Variants in RASD1 observed in about 807,000 individuals in gnomAD.
The protein encoded by RASD1 is dexamethasone-induced Ras-related protein 1.
Under a neutral mutation model 16.7 loss-of-function variants are expected in RASD1, and 13 were observed. The ratio of observed to expected loss-of-function variants is 0.78; its 90% CI spans 0.51 to 1.24. The LOEUF (loss-of-function observed/expected upper bound fraction) is 1.24. Ranked by LOEUF, RASD1 falls within the 50% of genes most tolerant of loss-of-function variation. RASD1 has a pLI of 0.00. For synonymous variants in RASD1, 170 were observed against 172.6 expected (o/e 0.98, Z 0.12); for missense variants, 397 against 407.5 (o/e 0.97, Z 0.22).
chr17:17,494,970 T>A lies in RASD1; in HGVS notation c.*155A>T. On this transcript the variant is annotated 3_prime_UTR_variant, in exon 2 of 2. Transcript: ENST00000225688. ...CCTTCCGGAGCAGATGACCGTCCCT[T>A]CTCGGTTCAGTGGCGCCTCCCCAGT... The A allele has an allele frequency of 1.1e-6, 1 of 928,490 alleles. No homozygotes were observed. Among genetic ancestry groups the A allele is most frequent in the East Asian group, 2.7e-5 (1 of 37,028 alleles). 57.5% of individuals were successfully genotyped at this position (928,490 alleles called of 1,614,324 possible).
intron 1 of RASD1, 37 bp downstream of exon 1, chr17:17,495,859 G>T: frequency 2.0e-6 from 2 of 991,448 alleles, no homozygotes; most frequent in South Asian, 1.3e-5. Flanking sequence ...AGGGTTCCCC[G>T]CCCTTCCCTC....
At chr17:17,495,794 AGC>A (rs1905413727) in intron 1 of RASD1, 100 bp downstream of exon 1, 2 of 1,400,530 alleles carry the variant, frequency 1.4e-6, no homozygotes, top group Non-Finnish European at 1.9e-6. Flanking sequence ...CTAAGCGCGA[AGC>A]GCACTACTCG....
chr17:17,495,672 A>T lies in RASD1; in HGVS notation c.299T>A (p.Ile100Asn). The T allele has an allele frequency of 6.2e-7, 1 of 1,609,578 alleles. No individual in the cohort carries two copies. The highest frequency in any genetic ancestry group is 8.5e-7 in the Non-Finnish European group (1 of 1,177,662). Residue 100 changes from isoleucine to asparagine, a missense_variant, in exon 2 of 2, where the codon ATC (isoleucine) becomes AAC (asparagine). Ile to Asn is a moderately radical substitution (Grantham distance 149). Transcript: ENST00000225688. ...RLSILTGDVF[I>N]LVFSLDNRDS... The stretch of plus-strand genomic sequence containing the variant: ...GCGGTTGTCCAGACTGAACACCAGG[A>T]TGAAAACGTCTCCTAGAGGGGGCAC...
chr17:17,494,651 G>GC lies in RASD1; in HGVS notation c.*473dup, dbSNP rs921624846. On this transcript the variant is annotated 3_prime_UTR_variant, in exon 2 of 2. Coordinates refer to ENST00000225688, the MANE Select transcript of RASD1 (RefSeq NM_016084.5). ...GTCACTTGGCTATGATTTGACCCAC[G>GC]CCCCCCCGCTTAGTTTTGGGAGGGC... 1.6e-4 allele frequency: 28 copies of GC among 180,590 alleles called. No individual in the cohort carries two copies. The highest frequency in any genetic ancestry group is 3.6e-4 in the East Asian group (2 of 5,516). The allele number at this position is 180,590 out of a possible 1,614,324, so 11.2% of individuals were successfully genotyped here.
chr17:17,495,941 C>T lies in RASD1; in HGVS notation c.241G>A (p.Gly81Ser), dbSNP rs370365641. ...CGCATGGCGGGGAACGGGTGGTTGCCGGACGTGTCGAGGATGTCGAGCTGG... is the reference window on the plus strand; with the variant it reads ...CGCATGGCGGGGAACGGGTGGTTGCTGGACGTGTCGAGGATGTCGAGCTGG... ...VYQLDILDTS[G>S]NHPFPAMRRL... The change falls in exon 1 of 2, where the codon GGC (glycine) becomes AGC (serine). Residue 81 changes from glycine to serine, a missense_variant. Coordinates refer to ENST00000225688, the MANE Select transcript of RASD1 (RefSeq NM_016084.5). The T allele has an allele frequency of 8.7e-6, 14 of 1,611,518 alleles. No homozygotes were observed. Among genetic ancestry groups the T allele is most frequent in the African/African-American group, 1.3e-5 (1 of 74,908 alleles).
chr17:17,494,979 A>T lies in RASD1; in HGVS notation c.*146T>A. 2.0e-6 allele frequency: 2 copies of T among 990,760 alleles called. No homozygotes were observed. Among genetic ancestry groups the T allele is most frequent in the Non-Finnish European group, 2.9e-6 (2 of 684,726 alleles). 61.4% of individuals were successfully genotyped at this position (990,760 alleles called of 1,614,324 possible). A position where few individuals can be genotyped will look rare whatever the true frequency, so the allele number is the denominator to read the frequency against. Reference sequence around the variant, plus strand: ...GCAGATGACCGTCCCTTCTCGGTTCAGTGGCGCCTCCCCAGTGCTGGGGGC... The same window carrying T: ...GCAGATGACCGTCCCTTCTCGGTTCTGTGGCGCCTCCCCAGTGCTGGGGGC... On this transcript the variant is annotated 3_prime_UTR_variant, in exon 2 of 2. Coordinates refer to ENST00000225688, the MANE Select transcript of RASD1 (RefSeq NM_016084.5).
At position 17,496,257 on chromosome 17, in the gene RASD1, C is replaced by A; in HGVS notation, c.-76G>T. The A allele has an allele frequency of 6.9e-7, 1 of 1,452,426 alleles. No individual in the cohort carries two copies. 90.0% of individuals were successfully genotyped at this position (1,452,426 alleles called of 1,614,324 possible). A position where few individuals can be genotyped will look rare whatever the true frequency, so the allele number is the denominator to read the frequency against. On this transcript the variant is annotated 5_prime_UTR_variant, in exon 1 of 2. Coordinates refer to ENST00000225688, the MANE Select transcript of RASD1 (RefSeq NM_016084.5). ...GCGGCTGAGGGTCGCTGGGGTGGCA[C>A]GCGGGGTGAGCGGCTGGAGGGCTCT...
rs1230149510 is a variant in RASD1 at position 17,494,905 on chromosome 17, CG to C, written c.*219del. 2.9e-5 allele frequency: 18 copies of C among 628,214 alleles called. No homozygotes were observed. Among genetic ancestry groups the C allele is most frequent in the Non-Finnish European group, 4.8e-5 (18 of 378,252 alleles). The allele number at this position is 628,214 out of a possible 1,614,324, so 38.9% of individuals were successfully genotyped here. A position where few individuals can be genotyped will look rare whatever the true frequency, so the allele number is the denominator to read the frequency against. ...GGGGTGGCGGGCCTCAATGGGGGAC[CG>C]GGGGTGGGGAATAGTCCCAGTCTTG... On this transcript the variant is annotated 3_prime_UTR_variant, in exon 2 of 2. Transcript: ENST00000225688.
Position 17,495,368 on chromosome 17 carries a change from C to T in RASD1, c.603G>A (p.Met201Ile), listed in dbSNP as rs751931712. ...AGACCTTGCGGTGCAGGTCTGGGCT[C>T]ATCTCGCTGGGCAGCTTGGCCATGG... ...LFAMAKLPSE[M>I]SPDLHRKVSV... Residue 201 changes from methionine to isoleucine, a missense_variant, in exon 2 of 2, where the codon ATG becomes ATA. By Grantham distance (10) the Met-to-Ile change is conservative. Transcript: ENST00000225688. The T allele has an allele frequency of 1.5e-5, 24 of 1,589,740 alleles. No homozygotes were observed. The highest frequency in any genetic ancestry group is 8.0e-5 in the South Asian group (7 of 87,840).
chr17:17,495,427 T>TG lies in RASD1; in HGVS notation c.543dup (p.Ser182GlnfsTer202). ...GCGCGGAACATCTGGTCCAGGCTGC[T>TG]GTTCTTCTTGGCCGAGATCTCGAAG... is the stretch of plus-strand genomic sequence containing the variant. On this transcript the variant is annotated frameshift_variant, in exon 2 of 2. Coordinates refer to ENST00000225688, the MANE Select transcript of RASD1 (RefSeq NM_016084.5). LOFTEE classifies it high-confidence loss of function. 6.2e-7 allele frequency: 1 copy of TG among 1,607,398 alleles called. No homozygotes were observed. Among genetic ancestry groups the TG allele is most frequent in the Non-Finnish European group, 8.5e-7 (1 of 1,177,370 alleles).
chr17:17,494,746 C>G lies in RASD1; in HGVS notation c.*379G>C. On this transcript the variant is annotated 3_prime_UTR_variant, in exon 2 of 2. Transcript: ENST00000225688. Reference sequence around the variant, plus strand: ...ATAATGCCCCGTGGGTCCTGACCCTCAAGCGGGCATGACGGTTTCTTGAAG... The same window carrying G: ...ATAATGCCCCGTGGGTCCTGACCCTGAAGCGGGCATGACGGTTTCTTGAAG... The G allele has an allele frequency of 3.6e-6, 1 of 280,838 alleles. No individual in the cohort carries two copies. Among genetic ancestry groups the G allele is most frequent in the Non-Finnish European group, 6.7e-6 (1 of 149,080 alleles). 17.4% of individuals were successfully genotyped at this position (280,838 alleles called of 1,614,324 possible).
chr17:17,495,758 A>G, intron 1 of RASD1, 74 bp from the exon 2 acceptor site: 2 of 1,466,594 alleles, frequency 1.4e-6, no homozygotes, highest in Non-Finnish European at 1.8e-6. Flanking sequence ...GCTGACTTTG[A>G]GGCCGCGCGG....
chr17:17,495,517 A>G lies in RASD1; in HGVS notation c.454T>C (p.Tyr152His). 1 of 1,612,308 alleles carries G rather than the reference A, an allele frequency of 6.2e-7. No individual in the cohort carries two copies. Among genetic ancestry groups the G allele is most frequent in the Non-Finnish European group, 8.5e-7 (1 of 1,179,644 alleles). The change falls in exon 2 of 2, where the codon TAC becomes CAC. Residue 152 changes from tyrosine (Y) to histidine (H), a missense_variant. Transcript: ENST00000225688. ...ICGNKGDRDF[Y>H]REVDQREIEQ... The stretch of plus-strand genomic sequence containing the variant: ...ATCTCGCGCTGGTCCACCTCGCGGT[A>G]GAAGTCGCGGTCACCCTTGTTGCCG...
chr17:17,495,246 G>T lies in RASD1; in HGVS notation c.725C>A (p.Ala242Asp), dbSNP rs757716489. 6 of 1,592,536 alleles carry T rather than the reference G, an allele frequency of 3.8e-6. No homozygotes were observed. Among genetic ancestry groups the T allele is most frequent in the Non-Finnish European group, 4.3e-6 (5 of 1,171,054 alleles). ...SGGGGGDPGDAFGIVAPFARR... is the reference protein window; with the variant it reads ...SGGGGGDPGDDFGIVAPFARR... ...CGCGAAGGGTGCCACGATGCCAAAG[G>T]CGTCGCCCGGGTCGCCGCCGCCGCC... Residue 242 changes from alanine to aspartate, a missense_variant, in exon 2 of 2, where the codon GCC becomes GAC. Transcript: ENST00000225688.
chr17:17,494,647 C>A lies in RASD1; in HGVS notation c.*478G>T. 1 of 182,286 alleles carries A rather than the reference C, an allele frequency of 5.5e-6. No homozygotes were observed. Among genetic ancestry groups the A allele is most frequent in the Non-Finnish European group, 1.1e-5 (1 of 87,824 alleles). 11.3% of individuals were successfully genotyped at this position (182,286 alleles called of 1,614,324 possible). On this transcript the variant is annotated 3_prime_UTR_variant, in exon 2 of 2. Coordinates refer to ENST00000225688, the MANE Select transcript of RASD1 (RefSeq NM_016084.5). Reference sequence around the variant, plus strand: ...ACAAGTCACTTGGCTATGATTTGACCCACGCCCCCCCGCTTAGTTTTGGGA... The same window carrying A: ...ACAAGTCACTTGGCTATGATTTGACACACGCCCCCCCGCTTAGTTTTGGGA...
In RASD1 at chr17:17,496,206, G is replaced by A. The variant is rs1475774327; in HGVS notation, c.-25C>T. On this transcript the variant is annotated 5_prime_UTR_variant, in exon 1 of 2. Coordinates refer to ENST00000225688, the MANE Select transcript of RASD1 (RefSeq NM_016084.5). ...TTGGGCAGAGGGGCCGCGAGGGCGGGCGCGGGGCCGAGAGAAGGGCAGAGA... is the reference window on the plus strand; with the variant it reads ...TTGGGCAGAGGGGCCGCGAGGGCGGACGCGGGGCCGAGAGAAGGGCAGAGA... The A allele has an allele frequency of 1.2e-5, 18 of 1,555,582 alleles. No homozygotes were observed. Among genetic ancestry groups the A allele is most frequent in the African/African-American group, 2.7e-5 (2 of 73,484 alleles).
At position 17,496,282 on chromosome 17, in the gene RASD1, T is replaced by TGCTCGGGCTGGGCGCG. The variant is rs1410643200; in HGVS notation, c.-117_-102dup. ...CGCGGGGTGAGCGGCTGGAGGGCTC[T>TGCTCGGGCTGGGCGCG]GCTCGGGCTGGGCGCGGCTCGGGCT... On this transcript the variant is annotated 5_prime_UTR_variant, in exon 1 of 2. Coordinates refer to ENST00000225688, the MANE Select transcript of RASD1 (RefSeq NM_016084.5). 108 of 1,304,292 alleles carry TGCTCGGGCTGGGCGCG rather than the reference T, an allele frequency of 8.3e-5. No individual in the cohort carries two copies. The highest frequency in any genetic ancestry group is 1.2e-4 in the Admixed American group (5 of 40,056). 80.8% of individuals were successfully genotyped at this position (1,304,292 alleles called of 1,614,324 possible). A position where few individuals can be genotyped will look rare whatever the true frequency, so the allele number is the denominator to read the frequency against.
In RASD1 at chr17:17,495,093, CCTT is replaced by C. The variant is rs1274645883; in HGVS notation, c.*29_*31del. 1 of 1,608,416 alleles carries C rather than the reference CCTT, an allele frequency of 6.2e-7. No homozygotes were observed. Among genetic ancestry groups the C allele is most frequent in the Non-Finnish European group, 8.5e-7 (1 of 1,178,758 alleles). On this transcript the variant is annotated 3_prime_UTR_variant, in exon 2 of 2. Coordinates refer to ENST00000225688, the MANE Select transcript of RASD1 (RefSeq NM_016084.5). ...GGATTTGACTTAACAAAAAGGTCCT[CCTT>C]AGGTTGTGTCGCCAGCGCGGCGGGG... is the stretch of plus-strand genomic sequence containing the variant.
At position 17,495,665 on chromosome 17, in the gene RASD1, C is replaced by T. The variant is rs1282132703; in HGVS notation, c.306G>A (p.Val102=). ...SILTGDVFIL[V]FSLDNRDSFE... ...AGGAGTCGCGGTTGTCCAGACTGAA[C>T]ACCAGGATGAAAACGTCTCCTAGAG... Residue 102 remains valine (V), a synonymous_variant, in exon 2 of 2, where the codon GTG becomes GTA. Transcript: ENST00000225688. 6.2e-7 allele frequency: 1 copy of T among 1,610,556 alleles called. No individual in the cohort carries two copies. The highest frequency in any genetic ancestry group is 1.7e-5 in the Admixed American group (1 of 59,844).
Sources: allele counts gnomAD v4.1 joint callset, GRCh38; gene constraint gnomAD v4.1.1; transcripts MANE v1.5; gene names NCBI Gene and HGNC (gene_info 2026-07-23, HGNC 2026-07-21).